RBPJ: variants seen among roughly 807,000 people sequenced by gnomAD.
The protein encoded by RBPJ is recombination signal binding protein for immunoglobulin kappa J region.
Under a neutral mutation model 67.8 loss-of-function variants are expected in RBPJ, and 9 were observed. The ratio of observed to expected loss-of-function variants is 0.13; its 90% CI spans 0.08 to 0.23. The LOEUF is 0.23. Among genes scored for constraint, RBPJ ranks in the 10% least tolerant of loss-of-function variants. The probability of loss-of-function intolerance (pLI) is 1.00; values close to 1 mark genes in which losing one functional copy is unlikely to be tolerated. For missense variants in RBPJ, 305 were observed against 595.6 expected (o/e 0.51, Z 5.08); for synonymous variants, 198 against 203.3 (o/e 0.97, Z 0.22).
chr4:26,397,059 A>G (rs557198927), intron 2 of RBPJ, among the ~76,000 whole-genome samples: 1 of 152,350 alleles, frequency 6.6e-6, no homozygotes, highest in African/African-American at 2.4e-5. Context: ...GTCTGGTCTA[A>G]TAGCTTGGAA....
At chr4:26,273,022 TC>T (rs1274841587) in intron 1 of RBPJ, among the ~76,000 whole-genome samples, 1 of 152,124 alleles carries the variant, frequency 6.6e-6, no homozygotes, top group Non-Finnish European at 1.5e-5. Flanking sequence ...TTTCTTTCAC[TC>T]CAAGTTTTTC....
upstream of RBPJ, among the ~76,000 whole-genome samples, chr4:26,158,683 C>T (rs1241199553): frequency 6.6e-6 from 1 of 152,144 alleles, no homozygotes; most frequent in Non-Finnish European, 1.5e-5. Context: ...GATTTGCAGA[C>T]CTGGCAATGA....
the RBPJ span, among the ~76,000 whole-genome samples, chr4:26,121,551 C>A: frequency 6.6e-6 from 1 of 152,064 alleles, no homozygotes; most frequent in Non-Finnish European, 1.5e-5. Context: ...CTATTTCCAC[C>A]CTTTGTCCAC....
the RBPJ span, among the ~76,000 whole-genome samples, chr4:26,106,182 C>T: frequency 6.6e-6 from 1 of 152,192 alleles, no homozygotes; most frequent in Non-Finnish European, 1.5e-5. Context: ...ACATAACATC[C>T]CTTCCCGCCT....
intron 1 of RBPJ, among the ~76,000 whole-genome samples, chr4:26,311,778 G>C (rs1290219839): frequency 2.6e-5 from 4 of 152,090 alleles, no homozygotes; most frequent in Non-Finnish European, 5.9e-5. Flanking sequence ...ATCAAAGAAT[G>C]ATTCTCCCTG....
chr4:26,385,588 T>C (rs544982840), intron 1 of RBPJ, among the ~76,000 whole-genome samples: 1 of 152,248 alleles, frequency 6.6e-6, no homozygotes, highest in East Asian at 1.9e-4. Context: ...CTTTGCCCTC[T>C]CCCAACCAGT....
intron 1 of RBPJ, among the ~76,000 whole-genome samples, chr4:26,215,299 A>G (rs1718664509): frequency 2.5e-5 from 3 of 120,780 alleles, no homozygotes; most frequent in Admixed American, 8.9e-5. Flanking sequence ...AAAGAGAAAA[A>G]GAGAGAGAAA....
At chr4:26,435,075 C>T (rs1736546648), downstream of RBPJ, 1 of 152,062 alleles carries the variant, frequency 6.6e-6, no homozygotes, top group Non-Finnish European at 1.5e-5. Flanking sequence ...ATTTAATTTC[C>T]TTGTCAATGT....
Position 26,164,237 on chromosome 4 carries a change from A to G in RBPJ, c.-167+623A>G, listed in dbSNP as rs546932916. Among the ~76,000 whole-genome samples the G allele has an allele frequency of 7.2e-5, 11 of 152,348 alleles. No homozygotes were observed. The South Asian group carries it at 1.4e-3, about 20-fold the overall frequency. ...GTAATTTAGCTGAAAGACAACAGAA[A>G]TGTTCATGCATGCGTTTATTCACTT... On this transcript the variant is annotated intron_variant, in intron 1 of 4. Transcript: ENST00000512351.
At chr4:26,295,604 A>T (rs112957186) in intron 1 of RBPJ, among the ~76,000 whole-genome samples, 1 of 152,036 alleles carries the variant, frequency 6.6e-6, no homozygotes, top group East Asian at 1.9e-4. Context: ...TCAAAGGCAC[A>T]CTCTACCCAA....
intron 1 of RBPJ, among the ~76,000 whole-genome samples, chr4:26,331,889 A>T (rs77950877): frequency 0.017 from 2,608 of 152,352 alleles, 46 homozygotes; most frequent in Non-Finnish European, 0.028. Flanking sequence ...GTGAAAAGAA[A>T]GAAGGCTGTC....
intron 2 of RBPJ, among the ~76,000 whole-genome samples, chr4:26,405,311 T>C (rs995653110): frequency 6.6e-6 from 1 of 152,210 alleles, no homozygotes; most frequent in African/African-American, 2.4e-5. Context: ...TATTTGTCTT[T>C]ATAGTATCAG....
intron 1 of RBPJ, among the ~76,000 whole-genome samples, chr4:26,216,961 C>A (rs1718741870): frequency 6.6e-6 from 1 of 151,880 alleles, no homozygotes; most frequent in Non-Finnish European, 1.5e-5. Flanking sequence ...CCAGGTGTGT[C>A]TTTGAAAAAA....
intron 1 of RBPJ, among the ~76,000 whole-genome samples, chr4:26,209,530 TCCTATCTCCTTCCTTCCTCCTTC>T (rs1718289670): frequency 6.6e-6 from 1 of 150,558 alleles, no homozygotes; most frequent in Non-Finnish European, 1.5e-5. Flanking sequence ...TCAAGTGACA[TCCTATCTCCTTCCTTCCTCCTTC>T]CCTGTCTCCC....
At chr4:26,221,860 A>G (rs185491054) in intron 1 of RBPJ, among the ~76,000 whole-genome samples, 15 of 152,334 alleles carry the variant, frequency 9.8e-5, no homozygotes, top group African/African-American at 3.4e-4. Flanking sequence ...GCGGTGACTC[A>G]TGCCAGTGCA....
intron 1 of RBPJ, among the ~76,000 whole-genome samples, chr4:26,370,531 G>T (rs1387636748): frequency 6.6e-6 from 1 of 152,096 alleles, no homozygotes; most frequent in Non-Finnish European, 1.5e-5. Context: ...CTACATCAGG[G>T]AATTTGTAAG....
upstream of RBPJ, among the ~76,000 whole-genome samples, chr4:26,315,167 A>AAATATAT (rs1325689348): frequency 2.1e-4 from 16 of 74,760 alleles, no homozygotes; most frequent in African/African-American, 2.7e-4. Context: ...AAAAAAAAAA[A>AAATATAT]ATATATATAT....
chr4:26,320,929 C>T (rs900512222), upstream of RBPJ: 4 of 1,562,564 alleles, frequency 2.6e-6, no homozygotes, highest in Non-Finnish European at 3.5e-6. Flanking sequence ...TGGGTGGAAT[C>T]GAGGAGTGAG....
chr4:26,320,711 G>C (rs200809018), upstream of RBPJ: 6 of 1,542,188 alleles, frequency 3.9e-6, no homozygotes, highest in South Asian at 7.2e-5. Flanking sequence ...CTCCACGTAC[G>C]TCCCTCAAAG....
Sources: allele counts gnomAD v4.1 joint callset (sites outside exome capture counted in the v4.1 genomes callset), GRCh38; gene constraint gnomAD v4.1.1; transcripts MANE v1.5; gene names NCBI Gene and HGNC (gene_info 2026-07-23, HGNC 2026-07-21).